The following EI24 variants were observed in gnomAD, a reference collection of about 807,000 sequenced individuals.
The protein encoded by EI24 is EI24 autophagy associated transmembrane protein.
Under a neutral mutation model 48.6 loss-of-function variants are expected in EI24, and 21 were observed. That is an observed-to-expected ratio of 0.43 (90% CI 0.31 to 0.62). The LOEUF is 0.62. Among genes scored for constraint, EI24 ranks in the 20% least tolerant of loss-of-function variants. EI24 has a pLI of 0.10. For synonymous variants in EI24, 114 were observed against 145.5 expected (o/e 0.78, Z 1.56); for missense variants, 280 against 410.5 (o/e 0.68, Z 2.75).
In EI24 at chr11:125,581,422, C is replaced by T. The variant is rs1938988254; in HGVS notation, c.785+100C>T. ...CGTTCTGTTTCGCATTCTACATCATCATTTGTCCATCAGGAGACCTGCAGG... is the reference window on the plus strand; with the variant it reads ...CGTTCTGTTTCGCATTCTACATCATTATTTGTCCATCAGGAGACCTGCAGG... On this transcript the variant is annotated intron_variant, in intron 9 of 10. Coordinates refer to ENST00000278903, the MANE Select transcript of EI24 (RefSeq NM_004879.5). 9.7e-6 allele frequency: 6 copies of T among 617,914 alleles called. No individual in the cohort carries two copies. The South Asian group carries it at 1.3e-4, about 14-fold the overall frequency. The allele number at this position is 617,914 out of a possible 1,614,324, so 38.3% of individuals were successfully genotyped here.
chr11:125,582,552 A>G, intron 10 of EI24, 132 bp downstream of exon 10: 1 of 685,932 alleles, frequency 1.5e-6, no homozygotes, highest in East Asian at 2.9e-5. Context: ...TTAATGAGAG[A>G]GAAACACTTC....
chr11:125,572,709 C>T (rs956845063), intron 2 of EI24, 140 bp downstream of exon 2: 14 of 761,680 alleles, frequency 1.8e-5, no homozygotes, highest in Non-Finnish European at 3.0e-5. Flanking sequence ...TTATTCTAGA[C>T]CACACTACTC....
chr11:125,572,714 C>A (rs914932938), intron 2 of EI24, 145 bp downstream of exon 2: 15 of 745,974 alleles, frequency 2.0e-5, no homozygotes, highest in Admixed American at 1.8e-4. Flanking sequence ...CTAGACCACA[C>A]TACTCAAGAA....
intron 1 of EI24, among the ~76,000 whole-genome samples, chr11:125,570,941 T>C (rs1938512395): frequency 6.6e-6 from 1 of 152,138 alleles, no homozygotes; most frequent in South Asian, 2.1e-4. Flanking sequence ...TCTGAGGTGT[T>C]TGTTTTCAGG....
At chr11:125,578,833 T>G in intron 6 of EI24, 116 bp from the exon 7 acceptor site, 1 of 1,280,232 alleles carries the variant, frequency 7.8e-7, no homozygotes, top group African/African-American at 1.5e-5. Flanking sequence ...GCCCAGCTTA[T>G]TTTTAAATAA....
chr11:125,583,042 G>A (rs1241149398), intron 10 of EI24, among the ~76,000 whole-genome samples: 1 of 152,092 alleles, frequency 6.6e-6, no homozygotes, highest in African/African-American at 2.4e-5. Context: ...TTTCCTGTAA[G>A]AGCCACAATA....
chr11:125,573,937 C>T (rs1938631822), intron 2 of EI24, among the ~76,000 whole-genome samples: 1 of 151,982 alleles, frequency 6.6e-6, no homozygotes, highest in South Asian at 2.1e-4. Context: ...CCACCTTAGC[C>T]TCCCAAAGTG....
intron 8 of EI24, 150 bp downstream of exon 8, chr11:125,580,354 C>T: frequency 1.5e-6 from 1 of 664,778 alleles, no homozygotes; most frequent in Non-Finnish European, 2.7e-6. Flanking sequence ...TTACCTTCGG[C>T]TTAGTGGGTT....
intron 3 of EI24, 89 bp from the exon 4 acceptor site, chr11:125,576,166 C>A: frequency 8.0e-7 from 1 of 1,247,124 alleles, no homozygotes; most frequent in South Asian, 1.3e-5. Flanking sequence ...ATACAGTACC[C>A]ACAAAAGATA....
At position 125,580,054 on chromosome 11, in the gene EI24, G is replaced by A. The variant is rs778417070; in HGVS notation, c.562-39G>A. On this transcript the variant is annotated intron_variant, in intron 7 of 10. Transcript: ENST00000278903. ...GACAGGTGAATGGTGCTAGGTTTCC[G>A]AGGCTTTGGGATTAAGATTTTCCAT... The A allele has an allele frequency of 7.3e-6, 11 of 1,510,822 alleles. No homozygotes were observed. In the African/African-American group the frequency reaches 8.2e-5, roughly 11 times the overall value. The allele number at this position is 1,510,822 out of a possible 1,614,324, so 93.6% of individuals were successfully genotyped here. A position where few individuals can be genotyped will look rare whatever the true frequency, so the allele number is the denominator to read the frequency against.
At chr11:125,576,690 T>C (rs1304952109) in intron 4 of EI24, among the ~76,000 whole-genome samples, 1 of 152,238 alleles carries the variant, frequency 6.6e-6, no homozygotes, top group Non-Finnish European at 1.5e-5. Flanking sequence ...CTTCTGCTTA[T>C]AGTGATCAAC....
intron 2 of EI24, 109 bp downstream of exon 2, chr11:125,572,678 G>A (rs1938576720): frequency 9.6e-7 from 1 of 1,045,038 alleles, no homozygotes; most frequent in African/African-American, 1.6e-5. Context: ...CATATTTCTT[G>A]GGTTCTTTAC....
At chr11:125,582,325 C>CTT (rs71045107) in intron 9 of EI24, 21 bp from the exon 10 acceptor site, 100,152 of 1,330,856 alleles carry the variant, frequency 0.075, 573 homozygotes, top group Middle Eastern at 0.12. Context: ...CTAATTATTT[C>CTT]TTTTTTTTTT....
At chr11:125,571,276 A>T (rs1228067066) in intron 1 of EI24, among the ~76,000 whole-genome samples, 1 of 152,196 alleles carries the variant, frequency 6.6e-6, no homozygotes, top group Non-Finnish European at 1.5e-5. Flanking sequence ...AACTTGATTG[A>T]GTGAGTGTTG....
At chr11:125,578,450 G>A (rs559535479) in intron 6 of EI24, among the ~76,000 whole-genome samples, 193 bp downstream of exon 6, 20 of 149,358 alleles carry the variant, frequency 1.3e-4, no homozygotes, top group African/African-American at 4.9e-4. Context: ...TCATTGGCAG[G>A]TGTCTGGTGC....
At position 125,583,646 on chromosome 11, in the gene EI24, C is replaced by T. The variant is rs371870792; in HGVS notation, c.986C>T (p.Pro329Leu). The change falls in exon 11 of 11, where the codon CCG (proline) becomes CTG (leucine). Residue 329 changes from proline to leucine, a missense_variant. By Grantham distance (98) the Pro-to-Leu change is moderately conservative. Transcript: ENST00000278903. The part of the protein sequence containing the change: ...TSAEKFPSPH[P>L]SPAKLKATAG... Reference sequence around the variant, plus strand: ...GCAGAGAAGTTCCCTTCACCGCATCCGTCGCCTGCCAAACTGAAGGCTACT... The same window carrying T: ...GCAGAGAAGTTCCCTTCACCGCATCTGTCGCCTGCCAAACTGAAGGCTACT... The T allele has an allele frequency of 1.5e-5, 25 of 1,613,196 alleles. No individual in the cohort carries two copies. The highest frequency in any genetic ancestry group is 1.6e-4 in the Middle Eastern group (1 of 6,062).
intron 1 of EI24, among the ~76,000 whole-genome samples, chr11:125,571,574 A>C (rs1465406414): frequency 6.6e-6 from 1 of 152,184 alleles, no homozygotes; most frequent in Non-Finnish European, 1.5e-5. Flanking sequence ...ATATATTTAA[A>C]GTTAGAAAAC....
In EI24 at chr11:125,582,231, A is replaced by G. The variant is rs562872760; in HGVS notation, c.786-115A>G. 56 of 952,132 alleles carry G rather than the reference A, an allele frequency of 5.9e-5. No homozygotes were observed. In the African/African-American group the frequency reaches 8.8e-4, roughly 15 times the overall value. 59.0% of individuals were successfully genotyped at this position (952,132 alleles called of 1,614,324 possible). On this transcript the variant is annotated intron_variant, in intron 9 of 10. Coordinates refer to ENST00000278903, the MANE Select transcript of EI24 (RefSeq NM_004879.5). ...AAAATGTTTGAAATATTGAGGTTTCATCAAGCCATAATGTTTACACTGGAA... is the reference window on the plus strand; with the variant it reads ...AAAATGTTTGAAATATTGAGGTTTCGTCAAGCCATAATGTTTACACTGGAA...
At chr11:125,577,173 C>A (rs1938782161) in intron 4 of EI24, among the ~76,000 whole-genome samples, 1 of 152,138 alleles carries the variant, frequency 6.6e-6, no homozygotes, top group Non-Finnish European at 1.5e-5. Flanking sequence ...CTCACTGCAA[C>A]CTCTGCCTCC....
Sources: gnomAD v4.1 joint callset for allele counts (sites outside exome capture counted in the v4.1 genomes callset) on GRCh38, gnomAD v4.1.1 for gene constraint, MANE v1.5 for transcripts, NCBI Gene and HGNC (gene_info 2026-07-23, HGNC 2026-07-21) for gene names.